The following COL4A5 variants were observed in gnomAD, a reference collection of about 807,000 sequenced individuals.
The protein encoded by COL4A5 is collagen type IV alpha 5 chain.
Under a neutral mutation model 130.2 loss-of-function variants are expected in COL4A5, and 26 were observed. The observed-to-expected ratio is 0.20, with a 90% CI of 0.15 to 0.28. The LOEUF is 0.28. COL4A5 is among the 10% of genes least tolerant of loss of function. The pLI, the probability that COL4A5 is intolerant of heterozygous loss-of-function variation, is 1.00. For missense variants in COL4A5, 1,131 were observed against 1,344.3 expected, an observed-to-expected ratio of 0.84 and a Z score of 2.48; for synonymous variants, 496 against 439.6, an observed-to-expected ratio of 1.13 and a Z score of -1.60.
chrX:108,500,431 G>T (rs949305346), intron 1 of COL4A5, among the ~76,000 whole-genome samples: 1 of 111,997 alleles, frequency 8.9e-6, no homozygotes, highest in Non-Finnish European at 1.9e-5. Flanking sequence ...TTCATTTAGA[G>T]CATTGAAGGC....
chrX:108,546,771 C>G (rs2065664205), intron 2 of COL4A5, among the ~76,000 whole-genome samples: 1 of 111,684 alleles, frequency 9.0e-6, no homozygotes, highest in African/African-American at 3.3e-5. Flanking sequence ...TTGGTCTTTT[C>G]ACATAGTCCC....
intron 36 of COL4A5, among the ~76,000 whole-genome samples, chrX:108,632,113 C>T (rs2147885483): frequency 9.0e-6 from 1 of 111,148 alleles, no homozygotes; most frequent in East Asian, 2.8e-4. Flanking sequence ...AGAGAAGAAT[C>T]AAATCGACAA....
At chrX:108,615,294 A>G (rs951253607) in intron 30 of COL4A5, among the ~76,000 whole-genome samples, 2 of 111,621 alleles carry the variant, frequency 1.8e-5, no homozygotes, top group Non-Finnish European at 3.8e-5. Flanking sequence ...GTTGAGTTAG[A>G]CATGGTTTTG....
chrX:108,506,022 G>A (rs2065120170), intron 1 of COL4A5, among the ~76,000 whole-genome samples: 1 of 111,630 alleles, frequency 9.0e-6, no homozygotes, highest in South Asian at 3.7e-4. Context: ...ATATTTGATG[G>A]GTTTCAATCC....
chrX:108,541,719 C>A (rs1331274594), intron 2 of COL4A5, among the ~76,000 whole-genome samples: 2 of 112,261 alleles, frequency 1.8e-5, no homozygotes, highest in Non-Finnish European at 3.8e-5. Flanking sequence ...TACAACCCAG[C>A]AAAAAGGAAC....
chrX:108,533,957 C>G (rs1255637541), intron 1 of COL4A5, among the ~76,000 whole-genome samples: 3 of 111,110 alleles, frequency 2.7e-5, no homozygotes, highest in Non-Finnish European at 1.9e-5. Flanking sequence ...CATCGCTAAT[C>G]ATCAGAGAAA....
chrX:108,482,926 G>A (rs2064906052), intron 1 of COL4A5, among the ~76,000 whole-genome samples: 1 of 111,548 alleles, frequency 9.0e-6, no homozygotes, highest in African/African-American at 3.3e-5. Flanking sequence ...TATGCATAGA[G>A]TCACTAAATT....
At chrX:108,609,697 C>T (rs1265455514) in intron 29 of COL4A5, among the ~76,000 whole-genome samples, 1 of 111,566 alleles carries the variant, frequency 9.0e-6, no homozygotes, top group Non-Finnish European at 1.9e-5. Flanking sequence ...ATTTTATAAG[C>T]TTTATAGTTT....
At chrX:108,453,112 G>A (rs1032626976) in intron 1 of COL4A5, among the ~76,000 whole-genome samples, 3 of 111,528 alleles carry the variant, frequency 2.7e-5, no homozygotes, top group African/African-American at 9.8e-5. Context: ...GGTTCTGTTT[G>A]TATGCTGGAT....
chrX:108,499,139 T>C lies in COL4A5; in HGVS notation c.82-40607T>C, dbSNP rs1385944574. Among the ~76,000 whole-genome samples, 6 of 111,909 alleles carry C rather than the reference T, an allele frequency of 5.4e-5. No individual in the cohort carries two copies. In the Admixed American group the frequency reaches 5.7e-4, roughly 11 times the overall value. Reference sequence around the variant, plus strand: ...TTATGCAATATGTATGTATTTTACATGCACATCATCAGATTGAAGAAGTTC... The same window carrying C: ...TTATGCAATATGTATGTATTTTACACGCACATCATCAGATTGAAGAAGTTC... On this transcript the variant is annotated intron_variant, in intron 1 of 52. Transcript: ENST00000328300.
At chrX:108,638,911 A>G (rs2067404601) in intron 36 of COL4A5, among the ~76,000 whole-genome samples, 1 of 111,985 alleles carries the variant, frequency 8.9e-6, no homozygotes, top group South Asian at 3.7e-4. Context: ...AAATATTGCT[A>G]AAAGGAATTA....
At position 108,625,801 on chromosome X, in the gene COL4A5, G is replaced by A. The variant is rs1441588480; in HGVS notation, c.3106+7G>A. The A allele has an allele frequency of 1.7e-6, 2 of 1,164,073 alleles. No individual in the cohort carries two copies. Among genetic ancestry groups the A allele is most frequent in the Non-Finnish European group, 1.2e-6 (1 of 852,483 alleles). On this transcript the variant is annotated splice_region_variant and intron_variant, in intron 35 of 52. Coordinates refer to ENST00000328300, the MANE Select transcript of COL4A5 (RefSeq NM_033380.3). Reference sequence around the variant, plus strand: ...GGTGATATGGGTTTTCCAGGTGAGTGATGAAAATCTTCCAAATATTTAGTC... The same window carrying A: ...GGTGATATGGGTTTTCCAGGTGAGTAATGAAAATCTTCCAAATATTTAGTC...
intron 10 of COL4A5, 114 bp from the exon 11 acceptor site, chrX:108,577,838 G>A: frequency 1.6e-6 from 1 of 627,499 alleles, no homozygotes; most frequent in South Asian, 3.2e-5. Flanking sequence ...AAACAAACAA[G>A]AAAATACTAT....
At chrX:108,449,753 GT>G (rs200098358) in intron 1 of COL4A5, among the ~76,000 whole-genome samples, 10,608 of 110,810 alleles carry the variant, frequency 0.096, 1,156 homozygotes, top group African/African-American at 0.31. Flanking sequence ...GGGGAAAGGC[GT>G]TTTTTTCTCT....
At chrX:108,599,021 G>C (rs1381434208) in intron 25 of COL4A5, 151 bp downstream of exon 25, 10 of 518,373 alleles carry the variant, frequency 1.9e-5, no homozygotes, top group Non-Finnish European at 3.2e-5. Context: ...GATCACAATG[G>C]TTTTTATAAG....
rs1490359006 is a variant in COL4A5 at position 108,694,713 on chromosome X, G to A, written c.4707-94G>A. The A allele has an allele frequency of 1.4e-5, 9 of 652,215 alleles. No individual in the cohort carries two copies. In the Admixed American group the frequency reaches 1.4e-4, roughly 10 times the overall value. The allele number at this position is 652,215 out of a possible 1,213,427, so 53.7% of individuals were successfully genotyped here. On this transcript the variant is annotated intron_variant, in intron 50 of 52. Transcript: ENST00000328300. ...TGATCATTGAAAGAGACATTAATCG[G>A]CTTCCATACTAAGAAGGCTTCCAAT...
chrX:108,684,193 A>G (rs1365521493), intron 47 of COL4A5, among the ~76,000 whole-genome samples: 3 of 111,331 alleles, frequency 2.7e-5, no homozygotes, highest in African/African-American at 6.5e-5. Context: ...CCTTATATCA[A>G]AATTAAAAGA....
chrX:108,471,201 A>T (rs1254931952), intron 1 of COL4A5, among the ~76,000 whole-genome samples: 1 of 111,839 alleles, frequency 8.9e-6, no homozygotes, highest in African/African-American at 3.3e-5. Context: ...TGATAGTTTG[A>T]TAGGAATAGT....
chrX:108,684,966 CG>C (rs938150825), intron 47 of COL4A5, among the ~76,000 whole-genome samples: 1 of 112,133 alleles, frequency 8.9e-6, no homozygotes, highest in Admixed American at 9.5e-5. Context: ...AATTAATAGA[CG>C]TAACCCATCA....
Sources: gnomAD v4.1 joint callset for allele counts (sites outside exome capture counted in the v4.1 genomes callset) on GRCh38, gnomAD v4.1.1 for gene constraint, MANE v1.5 for transcripts, NCBI Gene and HGNC (gene_info 2026-07-23, HGNC 2026-07-21) for gene names.